Variants in VPS13B observed in about 807,000 individuals in gnomAD.
VPS13B encodes vacuolar protein sorting 13 homolog B.
VPS13B carries 285 observed loss-of-function variants against 426.4 expected under a neutral mutation model. The observed-to-expected ratio is 0.67, with a 90% CI of 0.61 to 0.74. The LOEUF (loss-of-function observed/expected upper bound fraction) is 0.74, where lower values mean the gene tolerates loss of function less well. Ranked by LOEUF, VPS13B falls within the 30% of genes least tolerant of loss-of-function variation. The pLI, the probability that VPS13B is intolerant of heterozygous loss-of-function variation, is 0.00. For synonymous variants in VPS13B, 1,676 were observed against 1,676.4 expected (o/e 1.00, Z 0.01); for missense variants, 4,537 against 4,782.6 (o/e 0.95, Z 1.51).
intron 29 of VPS13B, among the ~76,000 whole-genome samples, chr8:99,514,156 A>G (rs1821936183): frequency 6.6e-6 from 1 of 152,210 alleles, no homozygotes; most frequent in Admixed American, 6.5e-5. Context: ...AGTGTTCGTC[A>G]TAGCCCTTAG....
At chr8:99,817,935 G>C in intron 45 of VPS13B, 132 bp downstream of exon 45, 1 of 1,367,184 alleles carries the variant, frequency 7.3e-7, no homozygotes, top group African/African-American at 1.4e-5. Flanking sequence ...GCTTTGAATA[G>C]TACTTCTCAA....
intron 17 of VPS13B, among the ~76,000 whole-genome samples, chr8:99,269,631 T>C (rs994957148): frequency 1.3e-5 from 2 of 152,236 alleles, no homozygotes; most frequent in Non-Finnish European, 2.9e-5. Flanking sequence ...TGCCTATATC[T>C]GAAGCCACAT....
chr8:99,729,874 G>C (rs974102962), intron 39 of VPS13B, among the ~76,000 whole-genome samples: 1 of 152,140 alleles, frequency 6.6e-6, no homozygotes, highest in Admixed American at 6.5e-5. Context: ...GTAGAAACTA[G>C]ACTTTTGCTG....
At chr8:99,779,141 A>G in intron 42 of VPS13B, 110 bp downstream of exon 42, 1 of 1,112,368 alleles carries the variant, frequency 9.0e-7, no homozygotes, top group Non-Finnish European at 1.3e-6. Flanking sequence ...ATGTTAGAGA[A>G]TGAAGAATTT....
intron 17 of VPS13B, among the ~76,000 whole-genome samples, chr8:99,266,690 G>A (rs1818324707): frequency 6.6e-6 from 1 of 152,062 alleles, no homozygotes; most frequent in African/African-American, 2.4e-5. Flanking sequence ...CATGGAGGTG[G>A]TTACCTTCAT....
intron 34 of VPS13B, among the ~76,000 whole-genome samples, chr8:99,654,266 T>C (rs1471713942): frequency 6.6e-6 from 1 of 152,006 alleles, no homozygotes; most frequent in Non-Finnish European, 1.5e-5. Flanking sequence ...GCAAGGATGA[T>C]CTCGATCTCC....
intron 25 of VPS13B, among the ~76,000 whole-genome samples, chr8:99,497,907 A>G (rs1178743229): frequency 6.6e-6 from 1 of 152,090 alleles, no homozygotes; most frequent in Non-Finnish European, 1.5e-5. Context: ...ACATTTAGAG[A>G]GAAACTTTTA....
intron 20 of VPS13B, among the ~76,000 whole-genome samples, chr8:99,386,731 G>T (rs1814146635): frequency 6.6e-6 from 1 of 152,124 alleles, no homozygotes; most frequent in African/African-American, 2.4e-5. Flanking sequence ...CAATACTTTG[G>T]GAGGCAAGGT....
chr8:99,229,763 C>T (rs1423525900), intron 17 of VPS13B, among the ~76,000 whole-genome samples: 1 of 152,110 alleles, frequency 6.6e-6, no homozygotes, highest in African/African-American at 2.4e-5. Flanking sequence ...TGGCAGGTGT[C>T]ATACTCTAAA....
At chr8:99,525,637 T>C (rs901993302) in intron 30 of VPS13B, among the ~76,000 whole-genome samples, 3 of 152,216 alleles carry the variant, frequency 2.0e-5, no homozygotes, top group Non-Finnish European at 4.4e-5. Context: ...CAGGCACTAT[T>C]CTAGATACTG....
intron 2 of VPS13B, among the ~76,000 whole-genome samples, chr8:99,020,660 G>T (rs1841840847): frequency 6.6e-6 from 1 of 152,196 alleles, no homozygotes; most frequent in Non-Finnish European, 1.5e-5. Flanking sequence ...TTTTTAAAAT[G>T]TGGATATTCA....
At chr8:99,406,197 G>C (rs1207042784) in intron 21 of VPS13B, among the ~76,000 whole-genome samples, 1 of 150,986 alleles carries the variant, frequency 6.6e-6, no homozygotes, top group Non-Finnish European at 1.5e-5. Flanking sequence ...TCTATCCTTA[G>C]AACACTTATC....
chr8:99,708,620 G>A (rs1188389068), intron 36 of VPS13B, among the ~76,000 whole-genome samples: 1 of 152,110 alleles, frequency 6.6e-6, no homozygotes, highest in Non-Finnish European at 1.5e-5. Context: ...GGTGCTTTGG[G>A]AAGGGAAACA....
intron 19 of VPS13B, among the ~76,000 whole-genome samples, chr8:99,321,593 T>C (rs988155853): frequency 6.6e-6 from 1 of 152,222 alleles, no homozygotes; most frequent in African/African-American, 2.4e-5. Flanking sequence ...AATAAAAGTT[T>C]AAACCATATT....
At chr8:99,576,093 C>A (rs1245756557) in intron 32 of VPS13B, among the ~76,000 whole-genome samples, 1 of 152,028 alleles carries the variant, frequency 6.6e-6, no homozygotes, top group African/African-American at 2.4e-5. Flanking sequence ...CCTTAGTTGC[C>A]TCATATATAG....
intron 19 of VPS13B, among the ~76,000 whole-genome samples, chr8:99,369,470 G>GT (rs1813064525): frequency 6.6e-6 from 1 of 152,014 alleles, no homozygotes; most frequent in Admixed American, 6.5e-5. Flanking sequence ...TTGTGAGGCA[G>GT]TGGGCACGAG....
chr8:99,323,861 T>C (rs1468405963), intron 19 of VPS13B, among the ~76,000 whole-genome samples: 1 of 152,210 alleles, frequency 6.6e-6, no homozygotes, highest in Non-Finnish European at 1.5e-5. Context: ...TAGTGATTTA[T>C]TGAATATCTT....
intron 2 of VPS13B, among the ~76,000 whole-genome samples, chr8:99,034,277 G>T (rs1842641518): frequency 6.6e-6 from 1 of 152,098 alleles, no homozygotes; most frequent in African/African-American, 2.4e-5. Flanking sequence ...AATTTCGCTG[G>T]GTTACTATAA....
intron 30 of VPS13B, among the ~76,000 whole-genome samples, chr8:99,545,394 C>G (rs1454375645): frequency 1.3e-5 from 2 of 152,088 alleles, no homozygotes; most frequent in African/African-American, 4.8e-5. Context: ...TAGCCATTAT[C>G]TACTGTAACT....
Sources: gnomAD v4.1 joint callset for allele counts (sites outside exome capture counted in the v4.1 genomes callset) on GRCh38, gnomAD v4.1.1 for gene constraint, MANE v1.5 for transcripts, NCBI Gene and HGNC (gene_info 2026-07-23, HGNC 2026-07-21) for gene names.